The following COMMD1 variants were observed in gnomAD, a reference collection of about 807,000 sequenced individuals.
The protein encoded by COMMD1 is copper metabolism domain containing 1, also known as COMM domain-containing protein 1.
COMMD1 carries 10 observed loss-of-function variants against 17.2 expected under a neutral mutation model. That is an observed-to-expected ratio of 0.58 (90% CI 0.36 to 0.99). The LOEUF is 0.99. Among genes scored for constraint, COMMD1 ranks in the 50% least tolerant of loss-of-function variants. The pLI is 0.01. For missense variants in COMMD1, 270 were observed against 231.8 expected (o/e 1.17, Z -1.07); for synonymous variants, 97 against 91.6 (o/e 1.06, Z -0.34).
intron 1 of COMMD1, among the ~76,000 whole-genome samples, 175 bp from the exon 2 acceptor site, chr2:62,000,526 C>G (rs1668900221): frequency 6.6e-6 from 1 of 151,824 alleles, no homozygotes; most frequent in African/African-American, 2.4e-5. Context: ...AACTCCTAAC[C>G]TCAAGTGATC....
At chr2:61,927,537 T>TGCCC (rs1164232297) in intron 1 of COMMD1, among the ~76,000 whole-genome samples, 1 of 151,796 alleles carries the variant, frequency 6.6e-6, no homozygotes, top group East Asian at 1.9e-4. Context: ...GGACTACAGA[T>TGCCC]GCCCGCCCGC....
intron 2 of COMMD1, chr2:62,079,619 A>G (rs1000656706): frequency 1.3e-5 from 2 of 152,286 alleles, no homozygotes; most frequent in African/African-American, 4.8e-5. Flanking sequence ...CTGAGAAGGA[A>G]GTCCATTCAG....
upstream of COMMD1, chr2:61,888,605 C>A: frequency 4.3e-6 from 6 of 1,396,128 alleles, no homozygotes; most frequent in South Asian, 7.0e-5. Flanking sequence ...ACTGCCTTCA[C>A]GAACCTTCCA....
intron 1 of COMMD1, among the ~76,000 whole-genome samples, chr2:61,944,398 C>G (rs975926752): frequency 6.6e-5 from 10 of 151,926 alleles, no homozygotes; most frequent in African/African-American, 2.2e-4. Context: ...CTGCAGTGAG[C>G]CATGATGGTG....
intron 1 of COMMD1, among the ~76,000 whole-genome samples, chr2:61,986,798 A>G (rs1672117251): frequency 6.6e-6 from 1 of 151,950 alleles, no homozygotes. Context: ...TGAACTCCAG[A>G]GCTCAGGCAA....
chr2:62,050,673 A>G (rs1174005321), intron 2 of COMMD1, among the ~76,000 whole-genome samples: 1 of 152,204 alleles, frequency 6.6e-6, no homozygotes, highest in Non-Finnish European at 1.5e-5. Flanking sequence ...TAGAAACTTC[A>G]TTTTGTAAGC....
At chr2:61,939,181 C>T (rs113147518) in intron 1 of COMMD1, among the ~76,000 whole-genome samples, 4,912 of 151,672 alleles carry the variant, frequency 0.032, 124 homozygotes, top group Non-Finnish European at 0.049. Context: ...TGGCCGGGCG[C>T]GGTGGCTCAC....
chr2:62,086,371 C>A (rs1671668664), intron 2 of COMMD1, among the ~76,000 whole-genome samples: 1 of 151,822 alleles, frequency 6.6e-6, no homozygotes, highest in African/African-American at 2.4e-5. Flanking sequence ...ATTAGCCAGG[C>A]CTGGCGGCGT....
intron 1 of COMMD1, chr2:61,915,889 T>A (rs975696452): frequency 8.4e-6 from 2 of 239,242 alleles, no homozygotes; most frequent in African/African-American, 4.7e-5. Flanking sequence ...CCAGGCTGGT[T>A]TTCAACTCCT....
At chr2:61,903,135 A>G (rs938661627), upstream of COMMD1, among the ~76,000 whole-genome samples, 2 of 152,222 alleles carry the variant, frequency 1.3e-5, no homozygotes, top group East Asian at 3.9e-4. Context: ...AAAGAAATAT[A>G]TTTTTTCTAT....
At chr2:62,056,935 A>G (rs1670720723) in intron 2 of COMMD1, among the ~76,000 whole-genome samples, 1 of 152,222 alleles carries the variant, frequency 6.6e-6, no homozygotes, top group Non-Finnish European at 1.5e-5. Context: ...TGAGATTGCC[A>G]CAAATGCACT....
At chr2:62,073,702 A>G (rs1224461953) in intron 2 of COMMD1, among the ~76,000 whole-genome samples, 2 of 152,108 alleles carry the variant, frequency 1.3e-5, no homozygotes, top group Non-Finnish European at 2.9e-5. Flanking sequence ...AAACCTATTT[A>G]TTTATTTATT....
At position 61,915,603 on chromosome 2, in the gene COMMD1, C is replaced by T. The variant is rs144188477; in HGVS notation, c.180+9745C>T. 50 of 414,816 alleles carry T rather than the reference C, an allele frequency of 1.2e-4. No homozygotes were observed. In the East Asian group the frequency reaches 2.6e-3, roughly 22 times the overall value. 25.7% of individuals were successfully genotyped at this position (414,816 alleles called of 1,614,324 possible). ...CTCTTGGGCTCCAATGATCCTCCCA[C>T]CTCAGCCTTTTGAGTAGCTGAAACT... On this transcript the variant is annotated intron_variant, in intron 1 of 2. Coordinates refer to ENST00000311832, the MANE Select transcript of COMMD1 (RefSeq NM_152516.4).
chr2:61,950,281 C>T (rs1671017969), intron 1 of COMMD1, among the ~76,000 whole-genome samples: 1 of 152,216 alleles, frequency 6.6e-6, no homozygotes, highest in Non-Finnish European at 1.5e-5. Flanking sequence ...ATCCCAACCT[C>T]ACTGACAAAT....
At chr2:62,118,017 G>A (rs1027541318) in intron 2 of COMMD1, among the ~76,000 whole-genome samples, 3 of 152,102 alleles carry the variant, frequency 2.0e-5, no homozygotes, top group Non-Finnish European at 2.9e-5. Context: ...TGTAAAGGAC[G>A]GAACTTTTAA....
intron 1 of COMMD1, among the ~76,000 whole-genome samples, chr2:61,889,257 A>G (rs1669354958): frequency 8.9e-6 from 1 of 112,314 alleles, no homozygotes; most frequent in East Asian, 3.2e-4. Flanking sequence ...TCCAGGCGGG[A>G]GTGCAGTGGG....
intron 2 of COMMD1, among the ~76,000 whole-genome samples, chr2:62,005,476 A>G (rs1669084808): frequency 2.0e-5 from 3 of 152,352 alleles, no homozygotes; most frequent in Middle Eastern, 3.4e-3. Flanking sequence ...TCCAGAATCT[A>G]CAATGAACTC....
chr2:61,954,411 C>T (rs1223458057), intron 1 of COMMD1, among the ~76,000 whole-genome samples: 1 of 152,154 alleles, frequency 6.6e-6, no homozygotes, highest in Non-Finnish European at 1.5e-5. Context: ...TTTTCCCTCC[C>T]ATGGCTTGTT....
At chr2:62,085,419 A>G (rs1671634314) in intron 2 of COMMD1, among the ~76,000 whole-genome samples, 1 of 151,750 alleles carries the variant, frequency 6.6e-6, no homozygotes, top group African/African-American at 2.4e-5. Flanking sequence ...GGGTTTCACC[A>G]TATTAGCCAG....
Sources: allele counts gnomAD v4.1 joint callset (sites outside exome capture counted in the v4.1 genomes callset), GRCh38; gene constraint gnomAD v4.1.1; transcripts MANE v1.5; gene names NCBI Gene and HGNC (gene_info 2026-07-23, HGNC 2026-07-21).